ADGRD1: variants seen among roughly 807,000 people sequenced by gnomAD.
ADGRD1 encodes the protein G-protein coupled receptor 133.
A neutral mutation model predicts 113.4 loss-of-function variants in ADGRD1; 77 were observed. The ratio of observed to expected loss-of-function variants is 0.68; its 90% CI spans 0.57 to 0.82. The LOEUF (loss-of-function observed/expected upper bound fraction) is 0.82, where lower values mean the gene tolerates loss of function less well. ADGRD1 is among the 40% of genes least tolerant of loss of function. The probability of loss-of-function intolerance (pLI) is 0.00; values close to 1 mark genes in which losing one functional copy is unlikely to be tolerated. For synonymous variants in ADGRD1, 474 were observed against 475.0 expected (o/e 1.00, Z 0.03); for missense variants, 1,036 against 1,139.1 (o/e 0.91, Z 1.30).
chr12:131,023,728 A>G (rs897437517), intron 13 of ADGRD1: 2 of 152,282 alleles, frequency 1.3e-5, no homozygotes, highest in East Asian at 1.9e-4. Context: ...GTTGTTACCC[A>G]TATTTTGTAT....
rs1485246242 is a variant in ADGRD1, at chr12:131,075,633, A to G, written c.1474-1168A>G. ...GAGCTGTCAGACAGATGCTGCGATG[A>G]TAGCCCTGTGAGTCCTTTGGTTCTG... is the stretch of plus-strand genomic sequence containing the variant. On this transcript the variant is annotated intron_variant, in intron 13 of 24. Transcript: ENST00000261654. This position sits in a 1 kb window ranked among gnomAD's most constrained non-coding sequence, Gnocchi z 5.3. 1.3e-5 allele frequency among the ~76,000 whole-genome samples: 2 copies of G among 152,244 alleles called. No homozygotes were observed. Among genetic ancestry groups the G allele is most frequent in the East Asian group, 1.9e-4 (1 of 5,198 alleles).
In ADGRD1 at chr12:131,056,864, C is replaced by T. The variant is rs184471679; in HGVS notation, c.1474-19937C>T. Among the ~76,000 whole-genome samples the T allele has an allele frequency of 4.6e-5, 7 of 152,274 alleles. No individual in the cohort carries two copies. The East Asian group carries it at 1.4e-3, about 29-fold the overall frequency. ...TGGATGCAAGCAGGTGTTAATACAG[C>T]TTCCAGGGCCCTAGGACGACGAAGG... On this transcript the variant is annotated intron_variant, in intron 13 of 24. Coordinates refer to ENST00000261654, the MANE Select transcript of ADGRD1 (RefSeq NM_198827.5).
At chr12:131,011,673 T>A (rs1345959529) in intron 12 of ADGRD1, among the ~76,000 whole-genome samples, 1 of 152,248 alleles carries the variant, frequency 6.6e-6, no homozygotes, top group Non-Finnish European at 1.5e-5. Flanking sequence ...GCTGCGTGTT[T>A]AGGGCCTGAA....
intron 9 of ADGRD1, chr12:131,002,612 C>G: frequency 9.4e-7 from 1 of 1,063,480 alleles, no homozygotes; most frequent in Non-Finnish European, 1.1e-6. Flanking sequence ...CCCCTGCTTT[C>G]TTGGGGGCAG....
rs1174880826 is a variant in ADGRD1, at chr12:131,101,384, T to C, written c.1672-3447T>C. On this transcript the variant is annotated intron_variant, in intron 15 of 24. Coordinates refer to ENST00000261654, the MANE Select transcript of ADGRD1 (RefSeq NM_198827.5). Reference sequence around the variant, plus strand: ...TTTTCTTTTTCTTTCTTTCTTTTTTTTTTTTTTTTTTTTTTTTTTTGAGAT... The same window carrying C: ...TTTTCTTTTTCTTTCTTTCTTTTTTCTTTTTTTTTTTTTTTTTTTTGAGAT... Among the ~76,000 whole-genome samples, 93 of 115,764 alleles carry C rather than the reference T, an allele frequency of 8.0e-4. 6 individuals carry two copies. The East Asian group carries it at 0.015, about 18-fold the overall frequency. 75.9% of individuals were successfully genotyped at this position (115,764 alleles called of 152,430 possible). A position where few individuals can be genotyped will look rare whatever the true frequency, so the allele number is the denominator to read the frequency against.
intron 13 of ADGRD1, among the ~76,000 whole-genome samples, chr12:131,042,969 C>T (rs937677594): frequency 5.3e-5 from 8 of 152,254 alleles, no homozygotes; most frequent in Non-Finnish European, 1.0e-4. Flanking sequence ...TGCGAGGCTG[C>T]GGCCCTCCCC....
At chr12:131,059,919 G>C (rs181039750) in intron 13 of ADGRD1, among the ~76,000 whole-genome samples, 1 of 151,988 alleles carries the variant, frequency 6.6e-6, no homozygotes, top group Admixed American at 6.5e-5. Flanking sequence ...AGATTTTTCC[G>C]GTTCTCGGTA....
chr12:131,135,990 C>T (rs1365017302), intron 21 of ADGRD1, 47 bp from the exon 22 acceptor site: 2 of 1,609,358 alleles, frequency 1.2e-6, no homozygotes, highest in Non-Finnish European at 1.7e-6. Context: ...TCACAGCCTG[C>T]ACCTGCCCTC....
chr12:131,071,998 T>C (rs1467034903), intron 13 of ADGRD1, among the ~76,000 whole-genome samples: 1 of 150,534 alleles, frequency 6.6e-6, no homozygotes, highest in East Asian at 1.9e-4. Context: ...GAGGGGGTGA[T>C]GTGAAAACAC....
intron 13 of ADGRD1, among the ~76,000 whole-genome samples, chr12:131,049,896 G>A (rs779309856): frequency 2.6e-5 from 4 of 152,150 alleles, no homozygotes; most frequent in African/African-American, 7.2e-5. Flanking sequence ...AGAGGGCGTC[G>A]GGGGAGACAC....
rs200990306 is a variant in ADGRD1, at chr12:130,986,637, C to CT, written c.491-450dup. On this transcript the variant is annotated intron_variant, in intron 5 of 24. Transcript: ENST00000261654. ...TTCCCAATATTTATATTCTTATTTC[C>CT]TTTTTTTTCCTTTTTTGCCTTATTG... 1.3e-4 allele frequency among the ~76,000 whole-genome samples: 19 copies of CT among 151,764 alleles called. No individual in the cohort carries two copies. The East Asian group carries it at 2.7e-3, about 22-fold the overall frequency.
At position 131,138,205 on chromosome 12, in the gene ADGRD1, C is replaced by T. The variant is rs34765022; in HGVS notation, c.2505C>T (p.Asn835=). The T allele has an allele frequency of 2.1e-4, 343 of 1,613,544 alleles. 1 individual carries two copies. The highest frequency in any genetic ancestry group is 2.0e-4 in the South Asian group (18 of 91,076). ...CGAGCAGCTCTGCCCGCACCTCCAA[C>T]GCGAAGCCCTTCCACTCGGACCTCG... ...SLTSSSARTS[N]AKPFHSDLMN... The change falls in exon 24 of 25, where the codon AAC becomes AAT. Residue 835 remains asparagine (N), a synonymous_variant. Transcript: ENST00000261654.
chr12:131,088,797 C>T (rs1886689524), intron 15 of ADGRD1, among the ~76,000 whole-genome samples: 2 of 152,214 alleles, frequency 1.3e-5, no homozygotes, highest in Admixed American at 6.5e-5. Context: ...CCATCTTCGA[C>T]TAAGAAAGCT....
chr12:131,079,544 G>A (rs757736909), intron 14 of ADGRD1, among the ~76,000 whole-genome samples: 11 of 152,160 alleles, frequency 7.2e-5, no homozygotes, highest in African/African-American at 9.7e-5. Flanking sequence ...GGAATAGTCT[G>A]TATAGAATTG....
chr12:131,017,187 GCA>G (rs1406072069), intron 13 of ADGRD1, among the ~76,000 whole-genome samples: 1 of 151,966 alleles, frequency 6.6e-6, no homozygotes, highest in Non-Finnish European at 1.5e-5. Flanking sequence ...CAGCATACAT[GCA>G]CACGCATACA....
chr12:131,076,995 G>A lies in ADGRD1; in HGVS notation c.1547+121G>A, dbSNP rs1251366863. ...TGCAGCTGACATGGTTGCGTTATGC[G>A]AAAATGCTGGAAATGCTGGAGATGT... On this transcript the variant is annotated intron_variant, in intron 14 of 24. Coordinates refer to ENST00000261654, the MANE Select transcript of ADGRD1 (RefSeq NM_198827.5). 14 of 832,492 alleles carry A rather than the reference G, an allele frequency of 1.7e-5. No homozygotes were observed. In the East Asian group the frequency reaches 2.0e-4, roughly 12 times the overall value. 51.6% of individuals were successfully genotyped at this position (832,492 alleles called of 1,614,324 possible).
In ADGRD1 at chr12:131,075,367, T is replaced by C. The variant is rs35772864; in HGVS notation, c.1474-1434T>C. Among the ~76,000 whole-genome samples the C allele has an allele frequency of 6.6e-6, 1 of 151,812 alleles. No homozygotes were observed. The highest frequency in any genetic ancestry group is 1.5e-5 in the Non-Finnish European group (1 of 67,976). ...TCCTGCTGATGCCCCTCTGTGGTCC[T>C]GGTGGCTGCAGGACACAGGGCCCTC... is the stretch of plus-strand genomic sequence containing the variant. On this transcript the variant is annotated intron_variant, in intron 13 of 24. Coordinates refer to ENST00000261654, the MANE Select transcript of ADGRD1 (RefSeq NM_198827.5). This position sits in a 1 kb window ranked among gnomAD's most constrained non-coding sequence, Gnocchi z 5.3.
At chr12:131,038,176 G>C (rs1881738400) in intron 13 of ADGRD1, among the ~76,000 whole-genome samples, 1 of 152,220 alleles carries the variant, frequency 6.6e-6, no homozygotes, top group African/African-American at 2.4e-5. Context: ...TAACTGTTGA[G>C]ACGTGTGGGG....
chr12:131,087,169 T>C (rs1886525300), intron 15 of ADGRD1, among the ~76,000 whole-genome samples: 1 of 152,244 alleles, frequency 6.6e-6, no homozygotes, highest in Admixed American at 6.5e-5. Flanking sequence ...GCCTACAAAG[T>C]GCTGGGATTA....
Sources: allele counts gnomAD v4.1 joint callset (sites outside exome capture counted in the v4.1 genomes callset), GRCh38; gene constraint gnomAD v4.1.1; non-coding constraint Gnocchi (gnomAD v3.1); transcripts MANE v1.5; gene names NCBI Gene and HGNC (gene_info 2026-07-23, HGNC 2026-07-21).